Variants in NLRP13 observed in about 807,000 individuals in gnomAD.
NLRP13 encodes the protein NLR family pyrin domain containing 13, also known as NACHT, LRR and PYD domains-containing protein 13.
Under a neutral mutation model 94.4 loss-of-function variants are expected in NLRP13, and 82 were observed. That is an observed-to-expected ratio of 0.87 (90% CI 0.73 to 1.04). The LOEUF is 1.04. NLRP13 is among the 50% of genes least tolerant of loss of function. The pLI is 0.00. For missense variants in NLRP13, 1,426 were observed against 1,230.8 expected (o/e 1.16, Z -2.37); for synonymous variants, 553 against 464.7 (o/e 1.19, Z -2.45).
chr19:55,892,081 G>T, downstream of NLRP13: 1 of 1,230,640 alleles, frequency 8.1e-7, no homozygotes, highest in Non-Finnish European at 1.0e-6. Context: ...TGTGAGGTCT[G>T]TATCTCCTCT....
chr19:55,899,599 G>A (rs539076372), intron 9 of NLRP13, among the ~76,000 whole-genome samples: 44 of 152,194 alleles, frequency 2.9e-4, no homozygotes, highest in African/African-American at 1.0e-3. Context: ...GCCCAACATG[G>A]TGAAACCCCA....
Position 55,905,777 on chromosome 19 carries a change from T to C in NLRP13, c.2448-665A>G, listed in dbSNP as rs548618502. Reference sequence around the variant, plus strand: ...ACAGGATGTCAATAATAACTGACCTTTACCCACTAGGTGTTACCCACTAGT... The same window carrying C: ...ACAGGATGTCAATAATAACTGACCTCTACCCACTAGGTGTTACCCACTAGT... On this transcript the variant is annotated intron_variant, in intron 7 of 10. Coordinates refer to ENST00000342929, the MANE Select transcript of NLRP13 (RefSeq NM_176810.2). Among the ~76,000 whole-genome samples the C allele has an allele frequency of 1.1e-4, 16 of 152,164 alleles. No homozygotes were observed. The South Asian group carries it at 2.7e-3, about 26-fold the overall frequency.
chr19:55,926,971 C>G (rs995064772), intron 1 of NLRP13, among the ~76,000 whole-genome samples: 1 of 151,390 alleles, frequency 6.6e-6, no homozygotes, highest in South Asian at 2.1e-4. Flanking sequence ...CAATGGATAT[C>G]TATAGGTGGA....
At chr19:55,905,426 T>C (rs1001868546) in intron 7 of NLRP13, among the ~76,000 whole-genome samples, 1 of 150,508 alleles carries the variant, frequency 6.6e-6, no homozygotes, top group South Asian at 2.1e-4. Context: ...CACGTATATA[T>C]ACACACACAT....
Position 55,898,767 on chromosome 19 carries a change from C to T in NLRP13, c.2957+3G>A, listed in dbSNP as rs201774750. The T allele has an allele frequency of 1.1e-5, 17 of 1,600,196 alleles. No individual in the cohort carries two copies. The highest frequency in any genetic ancestry group is 1.7e-5 in the Admixed American group (1 of 57,636). Reference sequence around the variant, plus strand: ...CTCTGCAAGGAGAACAGCATCAACTCACCCAAGTGTGTGCAATGCACGATG... The same window carrying T: ...CTCTGCAAGGAGAACAGCATCAACTTACCCAAGTGTGTGCAATGCACGATG... On this transcript the variant is annotated splice_donor_region_variant and intron_variant, in intron 10 of 10. Transcript: ENST00000342929.
In NLRP13 at chr19:55,917,281, T is replaced by C. The variant is rs540283914; in HGVS notation, c.524-3988A>G. On this transcript the variant is annotated intron_variant, in intron 4 of 10. Coordinates refer to ENST00000342929, the MANE Select transcript of NLRP13 (RefSeq NM_176810.2). ...CACAAAAACACACAAAACTATAAAA[T>C]ACACCAGTCTTATAAAGCAATTACA... Among the ~76,000 whole-genome samples the C allele has an allele frequency of 4.0e-5, 6 of 151,856 alleles. No homozygotes were observed. In the East Asian group the frequency reaches 1.2e-3, roughly 29 times the overall value.
intron 5 of NLRP13, 66 bp from the exon 6 acceptor site, chr19:55,910,799 C>G: frequency 7.8e-7 from 1 of 1,282,878 alleles, no homozygotes; most frequent in South Asian, 1.6e-5. Context: ...CAGAATACAA[C>G]CTACGGGACA....
At chr19:55,918,383 C>A (rs1362281525) in intron 4 of NLRP13, among the ~76,000 whole-genome samples, 1 of 150,410 alleles carries the variant, frequency 6.6e-6, no homozygotes, top group African/African-American at 2.4e-5. Flanking sequence ...AGAAAAATAA[C>A]AAATCAGAGC....
chr19:55,891,697 A>G (rs964964065), downstream of NLRP13: 5 of 178,550 alleles, frequency 2.8e-5, no homozygotes, highest in Non-Finnish European at 5.8e-5. Flanking sequence ...AGGTATTTTT[A>G]TATGCTTTGC....
At chr19:55,920,410 A>G (rs2123136908) in intron 4 of NLRP13, among the ~76,000 whole-genome samples, 1 of 152,306 alleles carries the variant, frequency 6.6e-6, no homozygotes, top group African/African-American at 2.4e-5. Flanking sequence ...AAATATTTGC[A>G]AAGTATACAT....
At chr19:55,920,169 A>G (rs1568444160) in intron 4 of NLRP13, among the ~76,000 whole-genome samples, 5 of 152,220 alleles carry the variant, frequency 3.3e-5, no homozygotes, top group South Asian at 2.1e-4. Flanking sequence ...ACTATATTCA[A>G]AAGCTCACTC....
chr19:55,930,874 TTATA>T lies in NLRP13; in HGVS notation c.319+1115_319+1118del, dbSNP rs372288236. ...GGCTTACAGGAGATAGAATCAGTGA[TTATA>T]TATATATATATATATATATAAAATT... On this transcript the variant is annotated intron_variant, in intron 1 of 10. Coordinates refer to ENST00000342929, the MANE Select transcript of NLRP13 (RefSeq NM_176810.2). Among the ~76,000 whole-genome samples the T allele has an allele frequency of 2.1e-4, 15 of 70,148 alleles. No homozygotes were observed. The East Asian group carries it at 2.5e-3, about 12-fold the overall frequency. 46.0% of individuals were successfully genotyped at this position (70,148 alleles called of 152,430 possible).
intron 8 of NLRP13, among the ~76,000 whole-genome samples, chr19:55,904,123 C>T (rs1986268344): frequency 6.6e-6 from 1 of 152,176 alleles, no homozygotes; most frequent in Non-Finnish European, 1.5e-5. Context: ...GATGGAGTCT[C>T]ACTCTGTCAT....
In NLRP13 at chr19:55,912,995, C is replaced by T. The variant is rs1333236666; in HGVS notation, c.822G>A (p.Arg274=). 7 of 1,613,982 alleles carry T rather than the reference C, an allele frequency of 4.3e-6. No homozygotes were observed. The highest frequency in any genetic ancestry group is 5.9e-6 in the Non-Finnish European group (7 of 1,180,004). Residue 274 remains arginine (R), a synonymous_variant, in exon 5 of 11, where the codon AGG becomes AGA. Coordinates refer to ENST00000342929, the MANE Select transcript of NLRP13 (RefSeq NM_176810.2). ...CAGCAAAGGTAGTTTCCTTCATGTA[C>T]CTTATTTTATGGCAGCTGAGATAGA... is the stretch of plus-strand genomic sequence containing the variant. ...YVFYLSCHKI[R]YMKETTFAEL...
intron 4 of NLRP13, among the ~76,000 whole-genome samples, chr19:55,918,769 T>C (rs185782270): frequency 6.3e-4 from 96 of 152,256 alleles, no homozygotes; most frequent in Non-Finnish European, 1.0e-3. Context: ...CAGATGTATT[T>C]CACAACCAAA....
At chr19:55,896,820 C>CAAAAAAAAAAAAAA (rs3073244) in intron 10 of NLRP13, among the ~76,000 whole-genome samples, 4 of 80,912 alleles carry the variant, frequency 4.9e-5, no homozygotes, top group South Asian at 1.6e-3. Context: ...CTCCATCTCA[C>CAAAAAAAAAAAAAA]AAAAAAAAAA....
downstream of NLRP13, among the ~76,000 whole-genome samples, chr19:55,894,044 T>A (rs1296463526): frequency 1.6e-4 from 1 of 6,172 alleles, no homozygotes; most frequent in Non-Finnish European, 2.9e-4. Flanking sequence ...ATGCCCCAAC[T>A]TTTTTTTTTT....
intron 4 of NLRP13, among the ~76,000 whole-genome samples, chr19:55,923,558 G>A (rs1031280256): frequency 1.3e-5 from 2 of 152,284 alleles, no homozygotes; most frequent in African/African-American, 4.8e-5. Context: ...CAAGGCCTTT[G>A]TCATTAAATC....
intron 4 of NLRP13, among the ~76,000 whole-genome samples, chr19:55,913,799 G>A (rs1986608686): frequency 6.6e-6 from 1 of 151,908 alleles, no homozygotes; most frequent in Non-Finnish European, 1.5e-5. Flanking sequence ...TGCCCACCCA[G>A]AATTTTTTTC....
Sources: gnomAD v4.1 joint callset for allele counts (sites outside exome capture counted in the v4.1 genomes callset) on GRCh38, gnomAD v4.1.1 for gene constraint, MANE v1.5 for transcripts, NCBI Gene and HGNC (gene_info 2026-07-23, HGNC 2026-07-21) for gene names.